Variants in ADAMTS12 observed in about 807,000 individuals in gnomAD.
ADAMTS12 encodes A disintegrin and metalloproteinase with thrombospondin motifs 12.
Under a neutral mutation model 167.8 loss-of-function variants are expected in ADAMTS12, and 118 were observed. That is an observed-to-expected ratio of 0.70 (90% CI 0.61 to 0.82). The LOEUF (loss-of-function observed/expected upper bound fraction) is 0.82, where lower values mean the gene tolerates loss of function less well. Among genes scored for constraint, ADAMTS12 ranks in the 40% least tolerant of loss-of-function variants. The pLI, the probability that ADAMTS12 is intolerant of heterozygous loss-of-function variation, is 0.00. For missense variants in ADAMTS12, 1,916 were observed against 1,998.8 expected, an observed-to-expected ratio of 0.96 and a Z score of 0.79; for synonymous variants, 704 against 716.9, an observed-to-expected ratio of 0.98 and a Z score of 0.29.
rs115827856 is a variant in ADAMTS12, at chr5:33,745,127, T to G, written c.634+6277A>C. Reference sequence around the variant, plus strand: ...ACTGCTGTACCCAGATCTTTGGGGGTTTTCTTTAGAGTGAATCTCACTTTC... The same window carrying G: ...ACTGCTGTACCCAGATCTTTGGGGGGTTTCTTTAGAGTGAATCTCACTTTC... On this transcript the variant is annotated intron_variant, in intron 3 of 23. Coordinates refer to ENST00000504830, the MANE Select transcript of ADAMTS12 (RefSeq NM_030955.4). Among the ~76,000 whole-genome samples the G allele has an allele frequency of 8.6e-3, 1,306 of 151,768 alleles. 20 individuals are homozygous for G. Among genetic ancestry groups the G allele is most frequent in the African/African-American group, 0.031 (1,261 of 41,312 alleles).
chr5:33,727,673 T>C (rs1322259575), intron 3 of ADAMTS12, among the ~76,000 whole-genome samples: 1 of 152,174 alleles, frequency 6.6e-6, no homozygotes, highest in Non-Finnish European at 1.5e-5. Flanking sequence ...TGCTTGAGGC[T>C]TGTATGCATC....
intron 21 of ADAMTS12, among the ~76,000 whole-genome samples, chr5:33,547,456 T>C (rs1370100283): frequency 1.3e-5 from 2 of 152,040 alleles, no homozygotes; most frequent in Non-Finnish European, 2.9e-5. Context: ...GCATCTGCCA[T>C]GGAGGGTAGT....
intron 2 of ADAMTS12, among the ~76,000 whole-genome samples, chr5:33,775,822 C>T (rs1293252927): frequency 1.3e-5 from 2 of 152,202 alleles, no homozygotes; most frequent in East Asian, 1.9e-4. Flanking sequence ...AGCCTAATCA[C>T]CAATTTGCTG....
intron 22 of ADAMTS12, among the ~76,000 whole-genome samples, chr5:33,538,119 G>A (rs1744502899): frequency 6.6e-6 from 1 of 152,118 alleles, no homozygotes; most frequent in Admixed American, 6.5e-5. Flanking sequence ...AGACATACCT[G>A]AGACTGGGTA....
chr5:33,601,841 C>T (rs976919693), intron 16 of ADAMTS12, among the ~76,000 whole-genome samples: 13 of 152,036 alleles, frequency 8.6e-5, no homozygotes, highest in African/African-American at 2.7e-4. Flanking sequence ...GTCATGATTA[C>T]GGGTAACATA....
chr5:33,863,737 G>A (rs191349198), intron 2 of ADAMTS12, among the ~76,000 whole-genome samples: 27 of 152,140 alleles, frequency 1.8e-4, no homozygotes, highest in African/African-American at 4.6e-4. Context: ...AAAAGAGCCC[G>A]TAGAGCCAAG....
chr5:33,576,020 T>C lies in ADAMTS12; in HGVS notation c.3972+34A>G, dbSNP rs181202879. 2.1e-4 allele frequency: 335 copies of C among 1,570,036 alleles called. 1 individual carries two copies. The African/African-American group carries it at 4.2e-3, about 19-fold the overall frequency. On this transcript the variant is annotated intron_variant, in intron 19 of 23. Coordinates refer to ENST00000504830, the MANE Select transcript of ADAMTS12 (RefSeq NM_030955.4). ...ATTTAACACTCCTAGCTTTTTTCCATGTAAAACCAGGCCAGGGGTAGGAAA... is the reference window on the plus strand; with the variant it reads ...ATTTAACACTCCTAGCTTTTTTCCACGTAAAACCAGGCCAGGGGTAGGAAA...
chr5:33,704,127 G>C (rs1743102193), intron 3 of ADAMTS12, among the ~76,000 whole-genome samples: 1 of 152,116 alleles, frequency 6.6e-6, no homozygotes, highest in Admixed American at 6.6e-5. Context: ...GTTGTTGTTT[G>C]ATCCTAAAAT....
chr5:33,890,250 T>C (rs1750793829), intron 1 of ADAMTS12, among the ~76,000 whole-genome samples: 1 of 152,222 alleles, frequency 6.6e-6, no homozygotes, highest in Non-Finnish European at 1.5e-5. Flanking sequence ...TGGGAAGTGC[T>C]TGCAGGCTTT....
chr5:33,781,347 A>C (rs529141262), intron 2 of ADAMTS12, among the ~76,000 whole-genome samples: 7 of 152,198 alleles, frequency 4.6e-5, no homozygotes, highest in Non-Finnish European at 8.8e-5. Flanking sequence ...CATCTAACTT[A>C]GTCCTTCTCA....
intron 3 of ADAMTS12, among the ~76,000 whole-genome samples, chr5:33,690,289 T>TA: frequency 6.6e-6 from 1 of 152,346 alleles, no homozygotes; most frequent in Admixed American, 6.5e-5. Context: ...AATATTTTTT[T>TA]ACATTTAAGT....
At chr5:33,674,356 T>C (rs1741825120) in intron 5 of ADAMTS12, among the ~76,000 whole-genome samples, 1 of 152,206 alleles carries the variant, frequency 6.6e-6, no homozygotes, top group African/African-American at 2.4e-5. Context: ...GAACTGCTAG[T>C]AGAAGATTCT....
At chr5:33,790,082 T>C (rs1325196177) in intron 2 of ADAMTS12, among the ~76,000 whole-genome samples, 2 of 152,340 alleles carry the variant, frequency 1.3e-5, no homozygotes, top group Admixed American at 1.3e-4. Flanking sequence ...TCAAATTTTG[T>C]AGTGCTCTTT....
At chr5:33,725,463 T>G (rs1202208956) in intron 3 of ADAMTS12, among the ~76,000 whole-genome samples, 1 of 152,228 alleles carries the variant, frequency 6.6e-6, no homozygotes, top group African/African-American at 2.4e-5. Context: ...CTTATGATAC[T>G]AAATTCTGTT....
intron 3 of ADAMTS12, among the ~76,000 whole-genome samples, chr5:33,717,528 G>GT (rs1192888498): frequency 6.6e-6 from 1 of 152,124 alleles, no homozygotes; most frequent in East Asian, 1.9e-4. Flanking sequence ...CATACAGATA[G>GT]TAAGTGGCAG....
chr5:33,804,096 G>T (rs1029395614), intron 2 of ADAMTS12, among the ~76,000 whole-genome samples: 3 of 152,092 alleles, frequency 2.0e-5, no homozygotes, highest in African/African-American at 7.2e-5. Flanking sequence ...CTATTATAAG[G>T]ACCGAATGGG....
rs564251073 is a variant in ADAMTS12 at position 33,649,678 on chromosome 5, C to G, written c.1210G>C (p.Gly404Arg). 3 of 1,613,846 alleles carry G rather than the reference C, an allele frequency of 1.9e-6. No individual in the cohort carries two copies. In the East Asian group the frequency reaches 6.7e-5, roughly 36 times the overall value. ...LGHSFGIQHD[G>R]KENDCEPVGR... is the part of the protein sequence containing the mutation. ...ACAGGCTCACAGTCATTTTCTTTCC[C>G]ATCATGCTGGATGCCGAAGCTGGCA... The change falls in exon 8 of 24, where the codon GGG (glycine) becomes CGG (arginine). Residue 404 changes from glycine to arginine, a missense_variant. Coordinates refer to ENST00000504830, the MANE Select transcript of ADAMTS12 (RefSeq NM_030955.4).
At chr5:33,885,617 T>C (rs1044586720) in intron 1 of ADAMTS12, among the ~76,000 whole-genome samples, 6 of 152,208 alleles carry the variant, frequency 3.9e-5, no homozygotes, top group Non-Finnish European at 8.8e-5. Context: ...ACAAGATAAG[T>C]AAGGCATGCC....
chr5:33,815,506 A>T (rs745484785), intron 2 of ADAMTS12, among the ~76,000 whole-genome samples: 2 of 152,328 alleles, frequency 1.3e-5, no homozygotes, highest in Non-Finnish European at 1.5e-5. Context: ...TGGTGCCCTG[A>T]TCTCAGACTT....
Sources: gnomAD v4.1 joint callset for allele counts (sites outside exome capture counted in the v4.1 genomes callset) on GRCh38, gnomAD v4.1.1 for gene constraint, MANE v1.5 for transcripts, NCBI Gene and HGNC (gene_info 2026-07-23, HGNC 2026-07-21) for gene names.